The following PCDHA9 variants were observed in gnomAD, a reference collection of about 807,000 sequenced individuals.
PCDHA9 encodes protocadherin alpha-9.
PCDHA9 carries 62 observed loss-of-function variants against 62.0 expected under a neutral mutation model. The observed-to-expected ratio is 1.00, with a 90% CI of 0.81 to 1.23. The LOEUF (loss-of-function observed/expected upper bound fraction) is 1.23, where lower values mean the gene tolerates loss of function less well. PCDHA9 is among the 50% of genes most tolerant of loss of function. The pLI, the probability that PCDHA9 is intolerant of heterozygous loss-of-function variation, is 0.00. For synonymous variants in PCDHA9, 557 were observed against 567.6 expected (o/e 0.98, Z 0.27); for missense variants, 1,205 against 1,249.8 (o/e 0.96, Z 0.54).
At position 140,856,108 on chromosome 5, in the gene PCDHA9, C is replaced by T. The variant is rs782347472; in HGVS notation, c.2394+5219C>T. 109 of 1,597,910 alleles carry T rather than the reference C, an allele frequency of 6.8e-5. 10 individuals are homozygous for T. The highest frequency in any genetic ancestry group is 9.3e-5 in the Non-Finnish European group (109 of 1,167,634). ...GTCTGCTGCTCTCGCTTCTTCTCCT[C>T]GCAGCCTGGGAGGTGGGGAGCGGCC... On this transcript the variant is annotated intron_variant, in intron 1 of 3. Transcript: ENST00000532602.
intron 1 of PCDHA9, among the ~76,000 whole-genome samples, chr5:140,939,871 T>G (rs2092481346): frequency 6.6e-6 from 1 of 152,230 alleles, no homozygotes; most frequent in Non-Finnish European, 1.5e-5. Context: ...TAGGTCATCT[T>G]TGCTAGTTGT....
rs550398364 is a variant in PCDHA9, at chr5:140,897,290, G to A, written c.2394+46401G>A. Among the ~76,000 whole-genome samples the A allele has an allele frequency of 1.2e-4, 18 of 150,778 alleles. No homozygotes were observed. In the East Asian group the frequency reaches 1.4e-3, roughly 11 times the overall value. On this transcript the variant is annotated intron_variant, in intron 1 of 3. Coordinates refer to ENST00000532602, the MANE Select transcript of PCDHA9 (RefSeq NM_031857.2). ...GCTGGTGTGCTGCACCCATTAACTC[G>A]TCATTTAGCATTAGGTATATCTCCT...
At chr5:140,964,634 T>C (rs2095845045) in intron 1 of PCDHA9, among the ~76,000 whole-genome samples, 1 of 151,918 alleles carries the variant, frequency 6.6e-6, no homozygotes, top group Non-Finnish European at 1.5e-5. Flanking sequence ...AGCCATTTAT[T>C]TTCAGAAACA....
intron 1 of PCDHA9, among the ~76,000 whole-genome samples, chr5:140,872,172 T>G (rs912989922): frequency 6.6e-6 from 1 of 152,230 alleles, no homozygotes; most frequent in Non-Finnish European, 1.5e-5. Flanking sequence ...TTTCTTTTTT[T>G]TTTTTACAGT....
At chr5:140,943,405 A>G (rs1030211474) in intron 1 of PCDHA9, among the ~76,000 whole-genome samples, 2 of 152,164 alleles carry the variant, frequency 1.3e-5, no homozygotes, top group Non-Finnish European at 2.9e-5. Flanking sequence ...ATTTAAATTC[A>G]GACTAGAGGC....
intron 1 of PCDHA9, among the ~76,000 whole-genome samples, chr5:140,955,906 G>T (rs1044355938): frequency 2.0e-5 from 3 of 152,040 alleles, no homozygotes; most frequent in East Asian, 3.9e-4. Flanking sequence ...TCTCTTTGTA[G>T]CAATTGTGAA....
chr5:140,851,070 T>C, intron 1 of PCDHA9, 181 bp downstream of exon 1: 1 of 1,351,546 alleles, frequency 7.4e-7, no homozygotes. Flanking sequence ...CTAGTGAGAA[T>C]TATAAACTGT....
chr5:140,918,579 G>A (rs1396239560), intron 1 of PCDHA9, among the ~76,000 whole-genome samples: 1 of 152,112 alleles, frequency 6.6e-6, no homozygotes, highest in Admixed American at 6.5e-5. Flanking sequence ...GCTGCTATTG[G>A]CTATATGTTC....
At chr5:140,875,779 A>G (rs1174243985) in intron 1 of PCDHA9, 1 of 1,614,194 alleles carries the variant, frequency 6.2e-7, no homozygotes, top group Non-Finnish European at 8.5e-7. Context: ...CGCGGAGTGC[A>G]GTATCCACCT....
At chr5:140,998,295 A>G (rs2097805023) in intron 3 of PCDHA9, among the ~76,000 whole-genome samples, 1 of 152,206 alleles carries the variant, frequency 6.6e-6, no homozygotes, top group Non-Finnish European at 1.5e-5. Context: ...CAGATCACAC[A>G]TTTAGTAAGG....
At chr5:140,863,065 G>C (rs2047759481) in intron 1 of PCDHA9, 1 of 566,972 alleles carries the variant, frequency 1.8e-6, no homozygotes, top group Non-Finnish European at 3.5e-6. Flanking sequence ...GTTCCACGTG[G>C]GGCTCTGCAC....
At chr5:140,881,335 C>A in intron 1 of PCDHA9, 1 of 984,916 alleles carries the variant, frequency 1.0e-6, no homozygotes, top group Non-Finnish European at 1.2e-6. Context: ...ACCAGGACGC[C>A]GATTCGGGCT....
chr5:140,975,461 G>A (rs2096668419), intron 1 of PCDHA9, among the ~76,000 whole-genome samples: 1 of 152,196 alleles, frequency 6.6e-6, no homozygotes, highest in Non-Finnish European at 1.5e-5. Context: ...GGCCATCTTG[G>A]AATTCTGCCT....
intron 1 of PCDHA9, among the ~76,000 whole-genome samples, chr5:140,963,640 CT>C (rs1426012343): frequency 6.6e-6 from 1 of 152,164 alleles, no homozygotes; most frequent in African/African-American, 2.4e-5. Flanking sequence ...CGCATCTTCC[CT>C]ATCATGGTTG....
Position 140,869,973 on chromosome 5 carries a change from C to T in PCDHA9, c.2394+19084C>T, listed in dbSNP as rs782664221. The stretch of plus-strand genomic sequence containing the variant: ...TGTCAATTAAGCCCAATGGAAGACA[C>T]TTATTTACACTAGATCAAAATAATG... On this transcript the variant is annotated intron_variant, in intron 1 of 3. Coordinates refer to ENST00000532602, the MANE Select transcript of PCDHA9 (RefSeq NM_031857.2). 3.0e-5 allele frequency: 48 copies of T among 1,613,102 alleles called. No individual in the cohort carries two copies. In the East Asian group the frequency reaches 1.0e-3, roughly 34 times the overall value.
chr5:140,924,886 A>G (rs190850675), intron 1 of PCDHA9, among the ~76,000 whole-genome samples: 11 of 137,270 alleles, frequency 8.0e-5, no homozygotes, highest in Admixed American at 3.0e-4. Context: ...CAGAGCAAGA[A>G]CCTGTCTCAA....
intron 1 of PCDHA9, among the ~76,000 whole-genome samples, chr5:140,937,334 G>T (rs1459343291): frequency 3.3e-5 from 5 of 152,092 alleles, no homozygotes; most frequent in African/African-American, 1.2e-4. Flanking sequence ...ACCGCGCCCG[G>T]CTTCTTCCAT....
chr5:140,967,966 G>A, intron 1 of PCDHA9: 1 of 1,614,214 alleles, frequency 6.2e-7, no homozygotes, highest in African/African-American at 1.3e-5. Context: ...ACCGGAAAGT[G>A]AGCCTGGGTC....
intron 1 of PCDHA9, among the ~76,000 whole-genome samples, chr5:140,975,572 C>T (rs1356117545): frequency 6.6e-6 from 1 of 152,202 alleles, no homozygotes; most frequent in African/African-American, 2.4e-5. Context: ...ATATTATATG[C>T]AGTCTCATGT....
Sources: allele counts gnomAD v4.1 joint callset (sites outside exome capture counted in the v4.1 genomes callset), GRCh38; gene constraint gnomAD v4.1.1; transcripts MANE v1.5; gene names NCBI Gene and HGNC (gene_info 2026-07-23, HGNC 2026-07-21).